MMP16: variants seen among roughly 807,000 people sequenced by gnomAD.
MMP16 encodes the protein matrix metalloproteinase-16.
Under a neutral mutation model 67.8 loss-of-function variants are expected in MMP16, and 12 were observed. That is an observed-to-expected ratio of 0.18 (90% CI 0.11 to 0.29). The LOEUF is 0.29. MMP16 is among the 10% of genes least tolerant of loss of function. The pLI is 1.00. For missense variants in MMP16, 475 were observed against 765.7 expected (o/e 0.62, Z 4.48); for synonymous variants, 249 against 255.9 (o/e 0.97, Z 0.26).
At chr8:88,195,006 T>G (rs1311325091) in intron 2 of MMP16, among the ~76,000 whole-genome samples, 3 of 152,182 alleles carry the variant, frequency 2.0e-5, no homozygotes, top group African/African-American at 7.2e-5. Context: ...TCATTTTTAC[T>G]GGTCTGGAAT....
At chr8:88,184,541 C>CAAAT (rs1343763206) in intron 3 of MMP16, among the ~76,000 whole-genome samples, 1 of 81,008 alleles carries the variant, frequency 1.2e-5, no homozygotes, top group Non-Finnish European at 2.2e-5. Context: ...CCAGCCTGGG[C>CAAAT]AAATGGTAAA....
At chr8:88,151,382 C>T (rs1212102886) in intron 4 of MMP16, among the ~76,000 whole-genome samples, 6 of 149,910 alleles carry the variant, frequency 4.0e-5, no homozygotes, top group Non-Finnish European at 9.0e-5. Context: ...ATCTACAGAA[C>T]TCTCCACCCC....
chr8:88,320,920 A>G (rs990699460), intron 1 of MMP16, among the ~76,000 whole-genome samples: 20 of 152,172 alleles, frequency 1.3e-4, no homozygotes, highest in African/African-American at 4.6e-4. Context: ...GTGAAACACC[A>G]AGCAAAAAAT....
chr8:88,051,123 GCAA>G (rs1278621691), intron 8 of MMP16, among the ~76,000 whole-genome samples: 1 of 152,114 alleles, frequency 6.6e-6, no homozygotes, highest in Non-Finnish European at 1.5e-5. Context: ...AAACTAGAAT[GCAA>G]TTAGAATTAT....
intron 1 of MMP16, among the ~76,000 whole-genome samples, chr8:88,221,545 T>C (rs976808769): frequency 6.6e-6 from 1 of 151,832 alleles, no homozygotes; most frequent in Non-Finnish European, 1.5e-5. Flanking sequence ...TCGTTACAAA[T>C]AATAACCCCA....
intron 3 of MMP16, among the ~76,000 whole-genome samples, chr8:88,170,202 T>A (rs1808777189): frequency 6.6e-6 from 1 of 152,170 alleles, no homozygotes; most frequent in Non-Finnish European, 1.5e-5. Context: ...AGCCAAAGGA[T>A]GGACAGAGCA....
intron 3 of MMP16, among the ~76,000 whole-genome samples, chr8:88,170,030 A>G (rs1293495786): frequency 6.6e-6 from 1 of 152,184 alleles, no homozygotes; most frequent in African/African-American, 2.4e-5. Context: ...GTGAGAGATG[A>G]TGGTGCTTTG....
At chr8:88,185,830 CT>C (rs1241167860) in intron 3 of MMP16, among the ~76,000 whole-genome samples, 3 of 152,246 alleles carry the variant, frequency 2.0e-5, no homozygotes, top group African/African-American at 7.2e-5. Context: ...ATTTATATGA[CT>C]GTTCAACTTT....
intron 1 of MMP16, among the ~76,000 whole-genome samples, chr8:88,293,756 G>A (rs1029214985): frequency 2.0e-5 from 3 of 151,894 alleles, no homozygotes; most frequent in African/African-American, 7.3e-5. Context: ...TTTCCAAGAC[G>A]GCATTGTATG....
intron 1 of MMP16, among the ~76,000 whole-genome samples, chr8:88,297,774 C>T (rs1811035430): frequency 6.6e-6 from 1 of 152,172 alleles, no homozygotes; most frequent in East Asian, 1.9e-4. Flanking sequence ...ACTTCAGTTT[C>T]CTCATCTGTA....
intron 2 of MMP16, among the ~76,000 whole-genome samples, chr8:88,193,634 G>A (rs558867457): frequency 6.6e-6 from 1 of 151,954 alleles, no homozygotes; most frequent in Admixed American, 6.6e-5. Context: ...TGAGGTGATA[G>A]ATACCCCAAC....
intron 1 of MMP16, among the ~76,000 whole-genome samples, chr8:88,223,594 A>G (rs969854925): frequency 1.3e-5 from 2 of 150,808 alleles, no homozygotes; most frequent in Admixed American, 6.6e-5. Context: ...TGGCAAGGAC[A>G]GAAAACCAAA....
At chr8:88,163,291 G>T (rs918360385) in intron 4 of MMP16, among the ~76,000 whole-genome samples, 22 of 152,188 alleles carry the variant, frequency 1.4e-4, no homozygotes, top group African/African-American at 5.3e-4. Context: ...AGTGGGTTTG[G>T]ATGCAGATGT....
chr8:88,102,017 T>A (rs573357423), intron 6 of MMP16, among the ~76,000 whole-genome samples: 4 of 151,888 alleles, frequency 2.6e-5, no homozygotes, highest in Non-Finnish European at 5.9e-5. Flanking sequence ...AGCTGCTCTT[T>A]TGTCCTTATG....
intron 1 of MMP16, among the ~76,000 whole-genome samples, chr8:88,235,852 C>T (rs1280813770): frequency 2.0e-5 from 3 of 151,878 alleles, no homozygotes; most frequent in East Asian, 3.9e-4. Flanking sequence ...TTTCTATACA[C>T]ATTTGTATTT....
intron 6 of MMP16, among the ~76,000 whole-genome samples, chr8:88,102,579 A>T (rs1809163627): frequency 6.6e-6 from 1 of 151,762 alleles, no homozygotes. Context: ...CCATGAAATT[A>T]ACCTTCAGTC....
At chr8:88,086,358 G>A (rs1808834083) in intron 6 of MMP16, among the ~76,000 whole-genome samples, 1 of 151,876 alleles carries the variant, frequency 6.6e-6, no homozygotes, top group Non-Finnish European at 1.5e-5. Context: ...CCTCCTTTGA[G>A]ATCTGAAGAT....
At chr8:88,118,195 A>G (rs1563537078) in intron 5 of MMP16, among the ~76,000 whole-genome samples, 1 of 151,976 alleles carries the variant, frequency 6.6e-6, no homozygotes, top group Non-Finnish European at 1.5e-5. Context: ...TCATTATATG[A>G]CTTTGGGGTC....
At chr8:88,316,775 CATAG>C (rs1423759959) in intron 1 of MMP16, among the ~76,000 whole-genome samples, 1 of 152,066 alleles carries the variant, frequency 6.6e-6, no homozygotes, top group African/African-American at 2.4e-5. Context: ...CTATAGCTGC[CATAG>C]ATAGTGATTC....
Sources: allele counts gnomAD v4.1 joint callset (sites outside exome capture counted in the v4.1 genomes callset), GRCh38; gene constraint gnomAD v4.1.1; transcripts MANE v1.5; gene names NCBI Gene and HGNC (gene_info 2026-07-23, HGNC 2026-07-21).